Variants in SPIN1 observed in about 807,000 individuals in gnomAD.
SPIN1 encodes spindlin 1.
In SPIN1, 3 loss-of-function variants were observed where a neutral mutation model predicts 26.0. The ratio of observed to expected loss-of-function variants is 0.12; its 90% CI spans 0.05 to 0.30. The LOEUF (loss-of-function observed/expected upper bound fraction) is 0.30, where lower values mean the gene tolerates loss of function less well. Ranked by LOEUF, SPIN1 falls within the 10% of genes least tolerant of loss-of-function variation. The probability of loss-of-function intolerance (pLI) is 1.00; values close to 1 mark genes in which losing one functional copy is unlikely to be tolerated. For synonymous variants in SPIN1, 101 were observed against 116.5 expected, an observed-to-expected ratio of 0.87 and a Z score of 0.86; for missense variants, 126 against 333.4, an observed-to-expected ratio of 0.38 and a Z score of 4.84.
At chr9:88,454,176 T>C (rs548459651) in intron 3 of SPIN1, among the ~76,000 whole-genome samples, 1 of 152,266 alleles carries the variant, frequency 6.6e-6, no homozygotes, top group South Asian at 2.1e-4. Flanking sequence ...TGAGGGGATG[T>C]TACTAACTGG....
At chr9:88,454,237 T>A (rs1302211062) in intron 3 of SPIN1, among the ~76,000 whole-genome samples, 1 of 152,178 alleles carries the variant, frequency 6.6e-6, no homozygotes, top group Non-Finnish European at 1.5e-5. Flanking sequence ...ATATAAGAGA[T>A]TGAAGGGCTT....
At chr9:88,414,846 C>T (rs1292762227) in intron 1 of SPIN1, among the ~76,000 whole-genome samples, 2 of 152,114 alleles carry the variant, frequency 1.3e-5, no homozygotes, top group African/African-American at 4.8e-5. Context: ...ATTTTGACCA[C>T]GTATTACACT....
chr9:88,398,525 G>A (rs530214599), intron 1 of SPIN1, among the ~76,000 whole-genome samples: 4 of 152,092 alleles, frequency 2.6e-5, no homozygotes, highest in Non-Finnish European at 5.9e-5. Context: ...TAAATGTCTT[G>A]TCTGCACAGG....
chr9:88,415,969 G>T (rs1827555437), intron 1 of SPIN1, among the ~76,000 whole-genome samples: 1 of 150,622 alleles, frequency 6.6e-6, no homozygotes, highest in African/African-American at 2.5e-5. Context: ...TGTTAGCCAG[G>T]ATGGTCTCGA....
intron 2 of SPIN1, among the ~76,000 whole-genome samples, chr9:88,445,999 T>C (rs1450684468): frequency 1.3e-5 from 2 of 152,204 alleles, no homozygotes; most frequent in Non-Finnish European, 2.9e-5. Context: ...TTTTAATTTT[T>C]CTATTATTTT....
Position 88,475,440 on chromosome 9 carries a change from G to T in SPIN1, c.*163G>T. 1 of 587,046 alleles carries T rather than the reference G, an allele frequency of 1.7e-6. No homozygotes were observed. The allele number at this position is 587,046 out of a possible 1,614,324, so 36.4% of individuals were successfully genotyped here. On this transcript the variant is annotated 3_prime_UTR_variant, in exon 6 of 6. Coordinates refer to ENST00000375859, the MANE Select transcript of SPIN1 (RefSeq NM_006717.3). Reference sequence around the variant, plus strand: ...TGTTCTGAATAGTACAGATTGATGTGAACACAAAGCATTTTGTGTAAGGAG... The same window carrying T: ...TGTTCTGAATAGTACAGATTGATGTTAACACAAAGCATTTTGTGTAAGGAG...
At chr9:88,464,703 G>A (rs570013460) in intron 4 of SPIN1, among the ~76,000 whole-genome samples, 1 of 152,218 alleles carries the variant, frequency 6.6e-6, no homozygotes, top group South Asian at 2.1e-4. Flanking sequence ...ACCACATCAT[G>A]CATTGGTGAA....
chr9:88,433,154 A>G (rs754327632), intron 2 of SPIN1, among the ~76,000 whole-genome samples: 17 of 152,062 alleles, frequency 1.1e-4, no homozygotes, highest in Non-Finnish European at 1.9e-4. Flanking sequence ...ATCTTGGCTC[A>G]CTGCAGCCTC....
chr9:88,428,723 T>A (rs1380380121), intron 2 of SPIN1, among the ~76,000 whole-genome samples: 2 of 152,214 alleles, frequency 1.3e-5, no homozygotes, highest in East Asian at 3.8e-4. Context: ...GATTTTTTTA[T>A]GGCATATGGC....
rs1042747101 is a variant in SPIN1 at position 88,411,000 on chromosome 9, C to G, written c.-158-15382C>G. ...ACAGTCTTATCCACGGAGTTGTGGTCGTCAAAGGTTACAAAGGCAAAGCCC... is the reference window on the plus strand; with the variant it reads ...ACAGTCTTATCCACGGAGTTGTGGTGGTCAAAGGTTACAAAGGCAAAGCCC... On this transcript the variant is annotated intron_variant, in intron 1 of 5. Transcript: ENST00000375859. The G allele has an allele frequency of 3.3e-6, 5 of 1,531,724 alleles. No individual in the cohort carries two copies. In the African/African-American group the frequency reaches 6.8e-5, roughly 21 times the overall value. The allele number at this position is 1,531,724 out of a possible 1,614,324, so 94.9% of individuals were successfully genotyped here.
At chr9:88,465,368 A>G (rs941483880) in intron 4 of SPIN1, among the ~76,000 whole-genome samples, 2 of 152,202 alleles carry the variant, frequency 1.3e-5, no homozygotes, top group African/African-American at 4.8e-5. Flanking sequence ...AGGTAGAACT[A>G]CCATACTGTT....
chr9:88,442,296 A>G (rs1423317144), intron 2 of SPIN1, among the ~76,000 whole-genome samples: 5 of 151,824 alleles, frequency 3.3e-5, no homozygotes, highest in Non-Finnish European at 7.4e-5. Flanking sequence ...CAACACTTTA[A>G]ATAGTTCCCT....
chr9:88,398,636 C>T (rs1197301665), intron 1 of SPIN1, among the ~76,000 whole-genome samples: 4 of 152,114 alleles, frequency 2.6e-5, no homozygotes, highest in African/African-American at 7.2e-5. Flanking sequence ...AGTGCAATGG[C>T]GCGATGTTGG....
chr9:88,395,418 C>G (rs970629069), intron 1 of SPIN1, among the ~76,000 whole-genome samples: 1 of 152,056 alleles, frequency 6.6e-6, no homozygotes, highest in East Asian at 1.9e-4. Flanking sequence ...GAAGTGCGTG[C>G]TTGCAACTCA....
intron 1 of SPIN1, among the ~76,000 whole-genome samples, chr9:88,392,632 C>T (rs946149383): frequency 3.3e-5 from 5 of 151,884 alleles, no homozygotes; most frequent in Admixed American, 6.6e-5. Context: ...TCCTTCCTTC[C>T]TTCCTTCCTC....
intron 2 of SPIN1, among the ~76,000 whole-genome samples, chr9:88,436,047 C>A (rs1827992505): frequency 6.6e-6 from 1 of 152,086 alleles, no homozygotes; most frequent in Admixed American, 6.5e-5. Context: ...AGTTCAAAAT[C>A]ATTTTGCTTC....
chr9:88,465,062 ATGT>A lies in SPIN1; in HGVS notation c.355+2317_355+2319del, dbSNP rs561743054. 5.9e-4 allele frequency among the ~76,000 whole-genome samples: 90 copies of A among 152,350 alleles called. 1 individual carries two copies. In the Middle Eastern group the frequency reaches 0.014, roughly 23 times the overall value. ...AGCATAATGTCCTCAAAGTTGGTTC[ATGT>A]TGTAACGTGTGACAGGATTTCCTTT... On this transcript the variant is annotated intron_variant, in intron 4 of 5. Transcript: ENST00000375859.
At chr9:88,410,571 A>G in intron 1 of SPIN1, 1 of 838,166 alleles carries the variant, frequency 1.2e-6, no homozygotes, top group Non-Finnish European at 2.1e-6. Context: ...TGCTACTGGA[A>G]CCACCATAGT....
At chr9:88,443,602 T>G (rs1331924701) in intron 2 of SPIN1, among the ~76,000 whole-genome samples, 2 of 152,222 alleles carry the variant, frequency 1.3e-5, no homozygotes, top group Non-Finnish European at 2.9e-5. Context: ...TAATACTGCT[T>G]TTTGCATTTC....
Sources: gnomAD v4.1 joint callset for allele counts (sites outside exome capture counted in the v4.1 genomes callset) on GRCh38, gnomAD v4.1.1 for gene constraint, MANE v1.5 for transcripts, NCBI Gene and HGNC (gene_info 2026-07-23, HGNC 2026-07-21) for gene names.